The following LRP2 variants were observed in gnomAD, a reference collection of about 807,000 sequenced individuals.
The protein encoded by LRP2 is low-density lipoprotein receptor-related protein 2.
A neutral mutation model predicts 531.0 loss-of-function variants in LRP2; 172 were observed. That is an observed-to-expected ratio of 0.32 (90% CI 0.29 to 0.37). LRP2 has a LOEUF of 0.37. Ranked by LOEUF, LRP2 falls within the 10% of genes least tolerant of loss-of-function variation. LRP2 has a pLI of 1.00. For synonymous variants in LRP2, 1,992 were observed against 2,027.6 expected, an observed-to-expected ratio of 0.98 and a Z score of 0.47; for missense variants, 5,167 against 5,868.3, an observed-to-expected ratio of 0.88 and a Z score of 3.90.
At chr2:169,217,315 G>A (rs180984380) in intron 34 of LRP2, among the ~76,000 whole-genome samples, 39 of 151,954 alleles carry the variant, frequency 2.6e-4, no homozygotes, top group Non-Finnish European at 4.1e-4. Context: ...CAATATACCC[G>A]TCCTTTGAAT....
At chr2:169,132,810 T>C (rs1685343092) in intron 76 of LRP2, 129 bp from the exon 77 acceptor site, 1 of 689,998 alleles carries the variant, frequency 1.4e-6, no homozygotes, top group African/African-American at 1.8e-5. Context: ...TCAGGCACCA[T>C]TTTTATTGCA....
chr2:169,211,858 A>G, intron 37 of LRP2, 110 bp downstream of exon 37: 1 of 1,418,920 alleles, frequency 7.0e-7, no homozygotes, highest in East Asian at 2.3e-5. Flanking sequence ...AGGGAAAGGA[A>G]AGCTTCATTA....
At position 169,174,143 on chromosome 2, in the gene LRP2, T is replaced by C. The variant is rs777356886; in HGVS notation, c.10790A>G (p.Asn3597Ser). Residue 3597 changes from asparagine (N) to serine (S), a missense_variant, in exon 56 of 79, where the codon AAT becomes AGT. Physicochemically the swap from Asn to Ser is conservative, Grantham distance 46 (BLOSUM62 1). Transcript: ENST00000649046. The stretch of plus-strand genomic sequence containing the variant: ...ACGTTTGTTGGCGCACTGCCATTCA[T>C]TGGAGTCACAGTGGTGATTCTCTGA... ...LLCENHHCDSNEWQCANKRCI... is the reference protein window; with the variant it reads ...LLCENHHCDSSEWQCANKRCI... 44 of 1,614,140 alleles carry C rather than the reference T, an allele frequency of 2.7e-5. No individual in the cohort carries two copies. The highest frequency in any genetic ancestry group is 8.0e-5 in the African/African-American group (6 of 74,950).
chr2:169,139,166 C>A, intron 74 of LRP2, 85 bp downstream of exon 74: 1 of 1,600,978 alleles, frequency 6.2e-7, no homozygotes, highest in Non-Finnish European at 8.6e-7. Flanking sequence ...GCTTTTTTAA[C>A]TTAGAAAGAA....
At chr2:169,361,955 A>C (rs1171236519) in intron 1 of LRP2, among the ~76,000 whole-genome samples, 1 of 152,154 alleles carries the variant, frequency 6.6e-6, no homozygotes, top group East Asian at 1.9e-4. Flanking sequence ...GCCGCCCAGC[A>C]GAGAACTCCG....
rs1264490496 is a variant in LRP2 at position 169,306,475 on chromosome 2, G to A, written c.427+806C>T. Among the ~76,000 whole-genome samples the A allele has an allele frequency of 3.9e-5, 6 of 152,056 alleles. No individual in the cohort carries two copies. In the East Asian group the frequency reaches 5.8e-4, roughly 15 times the overall value. On this transcript the variant is annotated intron_variant, in intron 4 of 78. Transcript: ENST00000649046. ...CTTGAACCTGGGAGGTGGAGGTTGC[G>A]GTGAGCCGAGAGCATGCCATCACAC...
intron 56 of LRP2, 32 bp downstream of exon 56, chr2:169,173,886 TG>T (rs1451268718): frequency 6.2e-7 from 1 of 1,613,596 alleles, no homozygotes; most frequent in East Asian, 2.2e-5. Context: ...CTCCCTGCTC[TG>T]GTCATGCCTT....
Position 169,273,057 on chromosome 2 carries a change from C to T in LRP2, c.1986G>A (p.Pro662=), listed in dbSNP as rs779851629. 2.2e-5 allele frequency: 35 copies of T among 1,613,434 alleles called. No individual in the cohort carries two copies. Among genetic ancestry groups the T allele is most frequent in the Middle Eastern group, 1.6e-4 (1 of 6,074 alleles). ...HSLRQPYATN[P]CKDNNGGCEQ... is the part of the protein sequence containing the mutation. ...CACAGCCCCCATTGTTATCTTTACA[C>T]GGATTGGTAGCTGGAAGGAAAAATG... The change falls in exon 15 of 79, where the codon CCG becomes CCA. Residue 662 remains proline, a synonymous_variant. Transcript: ENST00000649046.
At chr2:169,319,952 A>C (rs1356165959) in intron 2 of LRP2, among the ~76,000 whole-genome samples, 2 of 152,252 alleles carry the variant, frequency 1.3e-5, no homozygotes, top group Non-Finnish European at 2.9e-5. Flanking sequence ...AACATGGCCA[A>C]CAATTCAAAA....
In LRP2 at chr2:169,165,986, C is replaced by A. The variant is rs760079190; in HGVS notation, c.11704G>T (p.Val3902Leu). ...CCACAGTCATCCACACCATTGCACA[C>A]CTCATGACTATAAATGCAGCGATTG... is the stretch of plus-strand genomic sequence containing the variant. ...DNNRCIYSHEVCNGVDDCGDG... is the reference protein window; with the variant it reads ...DNNRCIYSHELCNGVDDCGDG... The change falls in exon 62 of 79, where the codon GTG (valine) becomes TTG (leucine). Residue 3902 changes from valine (V) to leucine (L), a missense_variant. Transcript: ENST00000649046. 2 of 1,614,030 alleles carry A rather than the reference C, an allele frequency of 1.2e-6. No individual in the cohort carries two copies. Among genetic ancestry groups the A allele is most frequent in the East Asian group, 4.5e-5 (2 of 44,880 alleles).
chr2:169,316,906 G>A (rs1048179676), intron 3 of LRP2, among the ~76,000 whole-genome samples: 29 of 152,090 alleles, frequency 1.9e-4, no homozygotes, highest in African/African-American at 6.8e-4. Context: ...GGCAGCCAAG[G>A]GAGTGGTGTC....
Position 169,242,949 on chromosome 2 carries a change from T to A in LRP2, c.3667+7A>T. ...TGTCTGAAACATTCTGGGTATGTGT[T>A]ACTTACGACAGCCTGCTTCATCCGA... On this transcript the variant is annotated splice_region_variant and intron_variant, in intron 24 of 78. Coordinates refer to ENST00000649046, the MANE Select transcript of LRP2 (RefSeq NM_004525.3). The A allele has an allele frequency of 6.2e-7, 1 of 1,603,472 alleles. No individual in the cohort carries two copies. Among genetic ancestry groups the A allele is most frequent in the Non-Finnish European group, 8.5e-7 (1 of 1,170,486 alleles).
intron 38 of LRP2, among the ~76,000 whole-genome samples, chr2:169,208,808 T>C (rs1688494649): frequency 6.6e-6 from 1 of 152,206 alleles, no homozygotes; most frequent in Admixed American, 6.5e-5. Flanking sequence ...GATTCAATGA[T>C]ACTGATTTTA....
At chr2:169,231,874 G>C (rs1347337583) in intron 30 of LRP2, 32 bp from the exon 31 acceptor site, 1 of 1,611,952 alleles carries the variant, frequency 6.2e-7, no homozygotes, top group South Asian at 1.1e-5. Flanking sequence ...GCACCAGTAA[G>C]TGGAAAACCT....
intron 15 of LRP2, among the ~76,000 whole-genome samples, chr2:169,271,950 T>C (rs1343553843): frequency 6.6e-6 from 1 of 152,108 alleles, no homozygotes; most frequent in East Asian, 1.9e-4. Context: ...GAAGGAGGTA[T>C]GCCCAAGACA....
chr2:169,310,801 G>C (rs538032818), intron 3 of LRP2, among the ~76,000 whole-genome samples: 129 of 152,278 alleles, frequency 8.5e-4, no homozygotes, highest in Non-Finnish European at 1.7e-3. Context: ...TGTACCTCTG[G>C]TAGAATTCGG....
chr2:169,266,495 A>T (rs1559047530), intron 16 of LRP2, among the ~76,000 whole-genome samples: 1 of 152,020 alleles, frequency 6.6e-6, no homozygotes, highest in Non-Finnish European at 1.5e-5. Flanking sequence ...ATTAGCCAAA[A>T]ATTCTCTCAA....
At chr2:169,198,141 C>T (rs528975033) in intron 45 of LRP2, among the ~76,000 whole-genome samples, 17 of 152,260 alleles carry the variant, frequency 1.1e-4, no homozygotes, top group African/African-American at 3.9e-4. Flanking sequence ...TGGTCAGGCA[C>T]GGTGGCTCAT....
intron 16 of LRP2, among the ~76,000 whole-genome samples, chr2:169,267,821 G>A (rs1411025717): frequency 1.3e-5 from 2 of 152,036 alleles, no homozygotes; most frequent in African/African-American, 4.8e-5. Flanking sequence ...CCAGGAGCTG[G>A]TTTTTTGAAA....
Sources: gnomAD v4.1 joint callset for allele counts (sites outside exome capture counted in the v4.1 genomes callset) on GRCh38, gnomAD v4.1.1 for gene constraint, MANE v1.5 for transcripts, NCBI Gene and HGNC (gene_info 2026-07-23, HGNC 2026-07-21) for gene names.